TARP: variants seen among roughly 807,000 people sequenced by gnomAD.
the TARP span, among the ~76,000 whole-genome samples, chr7:38,270,289 G>A: frequency 0.078 from 11,786 of 151,122 alleles, 1 homozygote; most frequent in East Asian, 0.14. Flanking sequence ...TTAAGCAGGA[G>A]GAATAATTTC....
chr7:38,265,521 C>T, the TARP span: 7 of 1,612,128 alleles, frequency 4.3e-6, no homozygotes, highest in African/African-American at 2.7e-5. Flanking sequence ...ATCCCAGAAT[C>T]GTGTTGCTCT....
chr7:38,267,402 A>C, the TARP span, among the ~76,000 whole-genome samples: 34 of 152,106 alleles, frequency 2.2e-4, no homozygotes, highest in South Asian at 2.9e-3. Context: ...TTTGATTTCC[A>C]ATTGAAACTC....
chr7:38,266,559 C>T, the TARP span, among the ~76,000 whole-genome samples: 1 of 151,882 alleles, frequency 6.6e-6, no homozygotes, highest in African/African-American at 2.4e-5. Flanking sequence ...GCCTCAGCCT[C>T]CCAAATCCTG....
At chr7:38,261,797 G>A in the TARP span, among the ~76,000 whole-genome samples, 1 of 149,438 alleles carries the variant, frequency 6.7e-6, no homozygotes, top group Non-Finnish European at 1.5e-5. Context: ...ACTTGAAGCC[G>A]GGAGGCGGAG....
the TARP span, chr7:38,273,480 T>G: frequency 2.1e-6 from 2 of 945,320 alleles, no homozygotes; most frequent in Non-Finnish European, 3.3e-6. Flanking sequence ...TCTCTGGAGA[T>G]TTCACCATGA....
the TARP span, among the ~76,000 whole-genome samples, chr7:38,269,826 G>C: frequency 3.3e-5 from 5 of 152,086 alleles, no homozygotes; most frequent in Non-Finnish European, 7.4e-5. Context: ...AGGTCCCAGT[G>C]CAGTGGTTTG....
the TARP span, among the ~76,000 whole-genome samples, chr7:38,265,837 T>A: frequency 6.6e-5 from 10 of 151,044 alleles, no homozygotes; most frequent in African/African-American, 2.4e-4. Context: ...ACAGTACTTA[T>A]TATTGTGCTT....
At chr7:38,273,371 CT>C in the TARP span, among the ~76,000 whole-genome samples, 1 of 150,886 alleles carries the variant, frequency 6.6e-6, no homozygotes, top group Non-Finnish European at 1.5e-5. Context: ...GGCCTCCATC[CT>C]TTAGAGATTT....
At chr7:38,268,648 G>A in the TARP span, among the ~76,000 whole-genome samples, 3,562 of 150,486 alleles carry the variant, frequency 0.024, 100 homozygotes, top group East Asian at 0.14. Flanking sequence ...ATTAAGTAAA[G>A]CACATAGAAC....
chr7:38,266,155 C>T, the TARP span, among the ~76,000 whole-genome samples: 1 of 151,652 alleles, frequency 6.6e-6, no homozygotes, highest in Non-Finnish European at 1.5e-5. Flanking sequence ...TCCCACTTCC[C>T]TTTTCCATCC....
chr7:38,265,304 A>G, the TARP span: 6 of 1,412,112 alleles, frequency 4.2e-6, no homozygotes, highest in Middle Eastern at 1.8e-4. Flanking sequence ...TGCAGCATTC[A>G]CTTTCAAAGA....
chr7:38,272,469 A>C, the TARP span, among the ~76,000 whole-genome samples: 1 of 143,830 alleles, frequency 7.0e-6, no homozygotes, highest in East Asian at 2.0e-4. Flanking sequence ...AGCAGTGTGA[A>C]GTGAAAAAGC....
At chr7:38,271,775 T>C in the TARP span, among the ~76,000 whole-genome samples, 1 of 151,356 alleles carries the variant, frequency 6.6e-6, no homozygotes, top group African/African-American at 2.4e-5. Flanking sequence ...TAGAAAGCTG[T>C]TCTGAGATAG....
the TARP span, among the ~76,000 whole-genome samples, chr7:38,260,749 G>A: frequency 6.6e-6 from 1 of 151,720 alleles, no homozygotes; most frequent in Admixed American, 6.6e-5. Context: ...TTCATAAAGT[G>A]AGAATTCCAG....
chr7:38,260,606 T>C, the TARP span, among the ~76,000 whole-genome samples: 1 of 151,732 alleles, frequency 6.6e-6, no homozygotes, highest in Non-Finnish European at 1.5e-5. Context: ...CATTTAATAT[T>C]ATTTGAGGTT....
At chr7:38,266,206 A>G in the TARP span, among the ~76,000 whole-genome samples, 2,908 of 151,414 alleles carry the variant, frequency 0.019, 15 homozygotes, top group Non-Finnish European at 0.029. Flanking sequence ...ACACATTCTC[A>G]TGTTCTGCAA....
the TARP span, among the ~76,000 whole-genome samples, chr7:38,267,077 G>A: frequency 0.12 from 17,482 of 151,458 alleles, 1,324 homozygotes; most frequent in African/African-American, 0.21. Context: ...CCCCATTAAT[G>A]AGAAGGTCTG....
chr7:38,259,831 G>A, the TARP span: 1 of 442,858 alleles, frequency 2.3e-6, no homozygotes, highest in Non-Finnish European at 4.1e-6. Context: ...GCGCTATTTG[G>A]GTTGGCTGGA....
At chr7:38,266,412 T>G in the TARP span, among the ~76,000 whole-genome samples, 1 of 151,756 alleles carries the variant, frequency 6.6e-6, no homozygotes, top group Non-Finnish European at 1.5e-5. Flanking sequence ...GCTCAAGTGA[T>G]CCTCCCACCT....
Sources: allele counts gnomAD v4.1 joint callset (sites outside exome capture counted in the v4.1 genomes callset), GRCh38; gene constraint gnomAD v4.1.1; transcripts MANE v1.5.